The following PRRG1 variants were observed in gnomAD, a reference collection of about 807,000 sequenced individuals.
The protein encoded by PRRG1 is proline rich and Gla domain 1, also known as transmembrane gamma-carboxyglutamic acid protein 1.
PRRG1 carries 5 observed loss-of-function variants against 11.8 expected under a neutral mutation model. The ratio of observed to expected loss-of-function variants is 0.42; its 90% CI spans 0.22 to 0.89. The LOEUF is 0.89. Among genes scored for constraint, PRRG1 ranks in the 40% least tolerant of loss-of-function variants. PRRG1 has a pLI of 0.28. For missense variants in PRRG1, 155 were observed against 166.1 expected (o/e 0.93, Z 0.37); for synonymous variants, 66 against 60.4 (o/e 1.09, Z -0.43).
chrX:37,378,799 CT>C (rs1168453687), intron 1 of PRRG1, among the ~76,000 whole-genome samples: 1 of 110,643 alleles, frequency 9.0e-6, no homozygotes. Context: ...AATCAGACTT[CT>C]TTTAGGCCAA....
chrX:37,418,795 GATTA>G (rs1245797337), intron 2 of PRRG1, among the ~76,000 whole-genome samples: 15 of 111,421 alleles, frequency 1.3e-4, no homozygotes, highest in African/African-American at 3.9e-4. Context: ...CTTGCCTTCA[GATTA>G]ATTAGCTTTC....
At chrX:37,365,734 G>T (rs782540857) in intron 1 of PRRG1, among the ~76,000 whole-genome samples, 1 of 111,749 alleles carries the variant, frequency 8.9e-6, no homozygotes, top group Non-Finnish European at 1.9e-5. Flanking sequence ...TGCCTCTGTT[G>T]TTTTAGAACC....
chrX:37,405,878 G>A (rs1932173502), intron 1 of PRRG1, among the ~76,000 whole-genome samples: 4 of 111,591 alleles, frequency 3.6e-5, no homozygotes, highest in African/African-American at 1.3e-4. Flanking sequence ...TGGGATTTTT[G>A]TCTGCCATTT....
chrX:37,355,777 G>A (rs1930215779), intron 1 of PRRG1, among the ~76,000 whole-genome samples: 1 of 112,317 alleles, frequency 8.9e-6, no homozygotes, highest in East Asian at 2.8e-4. Flanking sequence ...TAAGTGGAAT[G>A]GATTTTTTCA....
chrX:37,425,812 G>A (rs782211749), intron 2 of PRRG1, 28 bp from the exon 3 acceptor site: 1 of 1,137,846 alleles, frequency 8.8e-7, no homozygotes, highest in Non-Finnish European at 1.2e-6. Context: ...TTGCCACATA[G>A]GTTTTTTATA....
At chrX:37,424,026 A>G (rs1048808071) in intron 2 of PRRG1, among the ~76,000 whole-genome samples, 1 of 111,598 alleles carries the variant, frequency 9.0e-6, no homozygotes, top group Non-Finnish European at 1.9e-5. Flanking sequence ...CATATAGCCT[A>G]GGTGACTAGT....
intron 3 of PRRG1, among the ~76,000 whole-genome samples, chrX:37,438,472 T>C (rs1932919731): frequency 9.7e-6 from 1 of 103,216 alleles, no homozygotes; most frequent in Non-Finnish European, 2.0e-5. Context: ...GTTTCGCTCT[T>C]ATTGCCCAGG....
At position 37,429,399 on chromosome X, in the gene PRRG1, G is replaced by A. The variant is rs551865541; in HGVS notation, c.171+3399G>A. 1.2e-4 allele frequency among the ~76,000 whole-genome samples: 13 copies of A among 111,369 alleles called. 1 individual carries two copies. The highest frequency in any genetic ancestry group is 1.1e-3 in the Admixed American group (12 of 10,545). On this transcript the variant is annotated intron_variant, in intron 3 of 3. Coordinates refer to ENST00000378628, the MANE Select transcript of PRRG1 (RefSeq NM_001142395.2). The stretch of plus-strand genomic sequence containing the variant: ...GCTTTGCTGCCTAGAAATTTCTCCC[G>A]CCAGATACCCTAAATCATCTTTCTC...
intron 2 of PRRG1, among the ~76,000 whole-genome samples, chrX:37,420,230 TTTTC>T (rs1377388448): frequency 9.0e-6 from 1 of 111,473 alleles, no homozygotes; most frequent in African/African-American, 3.3e-5. Context: ...TGACAACCCT[TTTTC>T]TTTCTAACTA....
intron 1 of PRRG1, among the ~76,000 whole-genome samples, chrX:37,372,582 G>C (rs2146531661): frequency 8.9e-6 from 1 of 112,648 alleles, no homozygotes; most frequent in East Asian, 2.8e-4. Flanking sequence ...CCAAAGTGCT[G>C]GGATTACAGG....
At chrX:37,354,400 T>TA (rs1162383585) in intron 1 of PRRG1, among the ~76,000 whole-genome samples, 8 of 107,522 alleles carry the variant, frequency 7.4e-5, no homozygotes, top group Admixed American at 9.9e-5. Context: ...TTTTTATTTT[T>TA]TTTTTTTATT....
rs1353180511 is a variant in PRRG1, at chrX:37,441,662, C to T, written c.172-11474C>T. 1.1e-5 allele frequency: 9 copies of T among 799,177 alleles called. No homozygotes were observed. In the South Asian group the frequency reaches 2.1e-4, roughly 19 times the overall value. 65.9% of individuals were successfully genotyped at this position (799,177 alleles called of 1,213,427 possible). On this transcript the variant is annotated intron_variant, in intron 3 of 3. Transcript: ENST00000378628. ...GCCTTCTACTTCGACCGGGACAATG[C>T]GGCCCTGGAGCACTTTAGCCGCTAC...
chrX:37,425,911 A>G lies in PRRG1; in HGVS notation c.82A>G (p.Ile28Val). 8.3e-7 allele frequency: 1 copy of G among 1,208,123 alleles called. No individual in the cohort carries two copies. Among genetic ancestry groups the G allele is most frequent in the Non-Finnish European group, 1.1e-6 (1 of 893,319 alleles). ...YPRANGFFEEIRQGNIERECK... is the reference protein window; with the variant it reads ...YPRANGFFEEVRQGNIERECK... The stretch of plus-strand genomic sequence containing the variant: ...AAGAGCTAATGGGTTTTTTGAAGAA[A>G]TAAGACAGGGCAACATTGAGCGTGA... The change falls in exon 3 of 4, where the codon ATA becomes GTA. Residue 28 changes from isoleucine (I) to valine (V), a missense_variant. Ile to Val is a conservative substitution (Grantham distance 29). Transcript: ENST00000378628.
chrX:37,435,326 T>C (rs1283139949), intron 3 of PRRG1, among the ~76,000 whole-genome samples: 6 of 110,127 alleles, frequency 5.4e-5, no homozygotes, highest in Admixed American at 9.7e-5. Context: ...TATAATGATA[T>C]AAATGCATGA....
chrX:37,352,655 T>C (rs1291835095), intron 1 of PRRG1, among the ~76,000 whole-genome samples: 1 of 112,075 alleles, frequency 8.9e-6, no homozygotes, highest in Non-Finnish European at 1.9e-5. Context: ...TTTCTCACTG[T>C]ATGCACAAGA....
intron 3 of PRRG1, among the ~76,000 whole-genome samples, chrX:37,450,976 G>A (rs1274341951): frequency 1.0e-5 from 1 of 98,914 alleles, no homozygotes; most frequent in African/African-American, 4.3e-5. Flanking sequence ...CAAGTGATTC[G>A]TTTTCATTTT....
intron 2 of PRRG1, among the ~76,000 whole-genome samples, chrX:37,411,656 T>C (rs782593806): frequency 1.8e-5 from 2 of 112,039 alleles, no homozygotes; most frequent in African/African-American, 6.5e-5. Context: ...TAGTTTGTGG[T>C]ATCTGCTAGC....
chrX:37,426,151 G>C (rs1332250786), intron 3 of PRRG1, 151 bp downstream of exon 3: 1 of 604,264 alleles, frequency 1.7e-6, no homozygotes, highest in Non-Finnish European at 2.4e-6. Context: ...GTAATATTCT[G>C]TGGGTTGGAG....
intron 1 of PRRG1, among the ~76,000 whole-genome samples, chrX:37,358,163 G>A (rs1169164504): frequency 3.6e-5 from 4 of 110,531 alleles, no homozygotes; most frequent in African/African-American, 1.3e-4. Flanking sequence ...TACTTTATAT[G>A]TTATGTCTTC....
Sources: gnomAD v4.1 joint callset for allele counts (sites outside exome capture counted in the v4.1 genomes callset) on GRCh38, gnomAD v4.1.1 for gene constraint, MANE v1.5 for transcripts, NCBI Gene and HGNC (gene_info 2026-07-23, HGNC 2026-07-21) for gene names.